KIF26B: variants seen among roughly 807,000 people sequenced by gnomAD.
KIF26B encodes the protein kinesin family member 26B.
Under a neutral mutation model 151.2 loss-of-function variants are expected in KIF26B, and 63 were observed. The ratio of observed to expected loss-of-function variants is 0.42; its 90% CI spans 0.34 to 0.51. The LOEUF (loss-of-function observed/expected upper bound fraction) is 0.51. KIF26B is among the 20% of genes least tolerant of loss of function. KIF26B has a pLI of 0.07. For synonymous variants in KIF26B, 1,357 were observed against 1,262.1 expected (o/e 1.08, Z -1.59); for missense variants, 2,813 against 2,913.6 (o/e 0.97, Z 0.79).
At chr1:245,264,902 A>T (rs1345293012) in intron 2 of KIF26B, among the ~76,000 whole-genome samples, 2 of 148,152 alleles carry the variant, frequency 1.3e-5, no homozygotes. Flanking sequence ...CAAAAAAAAC[A>T]AAAAAAAAGA....
At chr1:245,157,248 G>A (rs556217366) in intron 2 of KIF26B, among the ~76,000 whole-genome samples, 3 of 152,322 alleles carry the variant, frequency 2.0e-5, no homozygotes, top group Non-Finnish European at 4.4e-5. Flanking sequence ...GCTCCCTCCT[G>A]GCCTGCTCCT....
intron 2 of KIF26B, among the ~76,000 whole-genome samples, chr1:245,195,152 A>G (rs1490373340): frequency 6.6e-6 from 1 of 152,158 alleles, no homozygotes; most frequent in Non-Finnish European, 1.5e-5. Context: ...TTCCTGTTGC[A>G]TTTGATGAAT....
chr1:245,651,443 C>T (rs1297428792), intron 10 of KIF26B, among the ~76,000 whole-genome samples: 1 of 152,220 alleles, frequency 6.6e-6, no homozygotes, highest in African/African-American at 2.4e-5. Context: ...GGACATTCCC[C>T]TCCTTGCCTG....
Position 245,687,781 on chromosome 1 carries a change from C to G in KIF26B, c.4798C>G (p.Pro1600Ala). 6.3e-7 allele frequency: 1 copy of G among 1,585,592 alleles called. No individual in the cohort carries two copies. The highest frequency in any genetic ancestry group is 1.3e-5 in the African/African-American group (1 of 74,076). Reference protein sequence around the residue: ...ARPKGTPPLPPVRKSSLDQKN... With the variant: ...ARPKGTPPLPAVRKSSLDQKN... ...GCCCAAAGGGACTCCCCCTCTGCCCCCTGTCCGAAAGTCCAGCCTGGACCA... is the reference window on the plus strand; with the variant it reads ...GCCCAAAGGGACTCCCCCTCTGCCCGCTGTCCGAAAGTCCAGCCTGGACCA... Residue 1600 changes from proline (P) to alanine (A), a missense_variant, in exon 12 of 15, where the codon CCT (proline) becomes GCT (alanine). Physicochemically the swap from Pro to Ala is conservative, Grantham distance 27. This residue lies in a region of KIF26B where 2,060 missense variants were observed against 2,088.6 expected (regional missense o/e 0.99). Coordinates refer to ENST00000407071, the MANE Select transcript of KIF26B (RefSeq NM_018012.4). This position sits in a 1 kb window ranked among gnomAD's most constrained non-coding sequence, Gnocchi z 4.9.
chr1:245,182,760 C>T (rs911895876), intron 2 of KIF26B, among the ~76,000 whole-genome samples: 14 of 152,180 alleles, frequency 9.2e-5, no homozygotes, highest in African/African-American at 3.1e-4. Context: ...CCCAGCCTCC[C>T]GAGTAGCTGG....
rs1000873605 is a variant in KIF26B, at chr1:245,191,330, C to T, written c.465+34647C>T. ...TCTCTACTAAAAATCCAAAACTTAG[C>T]TGGGCGTGATGGCAGACGCCTGTAA... is the stretch of plus-strand genomic sequence containing the variant. On this transcript the variant is annotated intron_variant, in intron 2 of 14. Coordinates refer to ENST00000407071, the MANE Select transcript of KIF26B (RefSeq NM_018012.4). Among the ~76,000 whole-genome samples, 5 of 150,398 alleles carry T rather than the reference C, an allele frequency of 3.3e-5. No homozygotes were observed. The East Asian group carries it at 1.0e-3, about 30-fold the overall frequency.
chr1:245,246,891 A>ACG, intron 2 of KIF26B, among the ~76,000 whole-genome samples: 1 of 143,170 alleles, frequency 7.0e-6, no homozygotes, highest in Non-Finnish European at 1.6e-5. Flanking sequence ...ACACACACAC[A>ACG]CAGACACACA....
chr1:245,506,145 A>G (rs1044910664), intron 4 of KIF26B, among the ~76,000 whole-genome samples: 5 of 152,208 alleles, frequency 3.3e-5, no homozygotes, highest in Non-Finnish European at 7.3e-5. Context: ...TAAGCGGGGA[A>G]TAAAGAAACT....
intron 9 of KIF26B, among the ~76,000 whole-genome samples, chr1:245,639,223 T>G (rs1221878128): frequency 6.6e-6 from 1 of 151,876 alleles, no homozygotes; most frequent in Non-Finnish European, 1.5e-5. Flanking sequence ...TTCCAGGAAT[T>G]TTTCCATTTT....
At chr1:245,433,551 A>G (rs749769710) in intron 4 of KIF26B, among the ~76,000 whole-genome samples, 4 of 152,168 alleles carry the variant, frequency 2.6e-5, no homozygotes, top group Admixed American at 6.5e-5. Flanking sequence ...ATTGTGTAGC[A>G]TCAGAGTTTT....
chr1:245,669,621 A>G (rs907524800), intron 10 of KIF26B, among the ~76,000 whole-genome samples: 1 of 152,220 alleles, frequency 6.6e-6, no homozygotes, highest in African/African-American at 2.4e-5. Context: ...GCAAACCCCA[A>G]GAAGGTACCA....
At chr1:245,240,094 C>T (rs1320777541) in intron 2 of KIF26B, among the ~76,000 whole-genome samples, 3 of 152,052 alleles carry the variant, frequency 2.0e-5, no homozygotes, top group African/African-American at 7.2e-5. Flanking sequence ...TGCTTGAACC[C>T]GGGAGGCGGA....
chr1:245,556,457 C>T (rs1163208561), intron 5 of KIF26B, among the ~76,000 whole-genome samples: 1 of 152,120 alleles, frequency 6.6e-6, no homozygotes, highest in East Asian at 1.9e-4. Context: ...AGTGGAGTGG[C>T]GTGAACGAAC....
chr1:245,337,641 A>G (rs1672262580), intron 2 of KIF26B, among the ~76,000 whole-genome samples: 1 of 152,132 alleles, frequency 6.6e-6, no homozygotes, highest in Non-Finnish European at 1.5e-5. Context: ...ACTCACATAT[A>G]GGAATTCAAT....
chr1:245,453,977 C>T (rs1226098037), intron 4 of KIF26B, among the ~76,000 whole-genome samples: 1 of 152,180 alleles, frequency 6.6e-6, no homozygotes, highest in African/African-American at 2.4e-5. Flanking sequence ...ACAAACCCAC[C>T]TAAGGACCTG....
chr1:245,394,684 C>CTTTTTTTTTTTTTTTTTTTTTTTTTTTTT (rs1444711983), intron 3 of KIF26B, among the ~76,000 whole-genome samples: 1 of 124,420 alleles, frequency 8.0e-6, no homozygotes. Flanking sequence ...AAGTTTTTTT[C>CTTTTTTTTTTTTTTTTTTTTTTTTTTTTT]TTTCTTTTTT....
At chr1:245,566,580 C>A (rs553161299) in intron 5 of KIF26B, among the ~76,000 whole-genome samples, 1 of 152,218 alleles carries the variant, frequency 6.6e-6, no homozygotes, top group African/African-American at 2.4e-5. Flanking sequence ...GACAGCATTG[C>A]GATCACTTTT....
intron 4 of KIF26B, among the ~76,000 whole-genome samples, chr1:245,465,200 C>A (rs1030562424): frequency 3.9e-5 from 6 of 152,068 alleles, no homozygotes; most frequent in Non-Finnish European, 8.8e-5. Context: ...GGATGGTCTC[C>A]ATCTCCTGAC....
intron 2 of KIF26B, among the ~76,000 whole-genome samples, chr1:245,284,259 G>A (rs773420412): frequency 4.6e-5 from 7 of 152,124 alleles, no homozygotes; most frequent in Non-Finnish European, 1.0e-4. Flanking sequence ...AGGTGTATCT[G>A]TGTTGATTTA....
Sources: allele counts gnomAD v4.1 joint callset (sites outside exome capture counted in the v4.1 genomes callset), GRCh38; gene constraint gnomAD v4.1.1; regional missense constraint gnomAD v4.1.1; non-coding constraint Gnocchi (gnomAD v3.1); transcripts MANE v1.5; gene names NCBI Gene and HGNC (gene_info 2026-07-23, HGNC 2026-07-21).